LRGUK: variants seen among roughly 807,000 people sequenced by gnomAD.
LRGUK encodes leucine-rich repeat and guanylate kinase domain-containing protein.
A neutral mutation model predicts 76.0 loss-of-function variants in LRGUK; 65 were observed. That is an observed-to-expected ratio of 0.85 (90% CI 0.70 to 1.05). The LOEUF (loss-of-function observed/expected upper bound fraction) is 1.05. Ranked by LOEUF, LRGUK falls within the 50% of genes least tolerant of loss-of-function variation. LRGUK has a pLI of 0.00. For synonymous variants in LRGUK, 268 were observed against 265.6 expected (o/e 1.01, Z -0.09); for missense variants, 758 against 732.8 (o/e 1.03, Z -0.40).
intron 11 of LRGUK, among the ~76,000 whole-genome samples, chr7:134,185,891 G>A (rs17167606): frequency 0.14 from 22,000 of 152,046 alleles, 2,258 homozygotes; most frequent in East Asian, 0.38. Flanking sequence ...ATACATTTTA[G>A]ACACCCGAAG....
intron 1 of LRGUK, among the ~76,000 whole-genome samples, chr7:134,128,785 C>T (rs1797146545): frequency 6.6e-6 from 1 of 152,118 alleles, no homozygotes; most frequent in South Asian, 2.1e-4. Context: ...CTCCTGACCT[C>T]GCCATCCGCC....
intron 18 of LRGUK, among the ~76,000 whole-genome samples, chr7:134,253,112 T>C (rs1300160827): frequency 4.6e-5 from 7 of 152,210 alleles, no homozygotes; most frequent in Non-Finnish European, 8.8e-5. Context: ...TGTACTTCTT[T>C]GCTGGGATAG....
At chr7:134,160,743 GT>G (rs1370392050) in intron 6 of LRGUK, among the ~76,000 whole-genome samples, 1 of 152,062 alleles carries the variant, frequency 6.6e-6, no homozygotes, top group African/African-American at 2.4e-5. Flanking sequence ...AATGCTGCTT[GT>G]TTTTTTCTTC....
Position 134,221,935 on chromosome 7 carries a change from AG to A in LRGUK, c.1983+21del. 6.3e-6 allele frequency: 10 copies of A among 1,578,950 alleles called. No homozygotes were observed. The highest frequency in any genetic ancestry group is 8.6e-6 in the Non-Finnish European group (10 of 1,166,904). On this transcript the variant is annotated intron_variant, in intron 16 of 19. Transcript: ENST00000285928. The stretch of plus-strand genomic sequence containing the variant: ...ACACCAGCGGTAAGAGAGGAATAGA[AG>A]GGGTGAAGCCACAACTGAGCTCTAT...
chr7:134,140,684 G>A (rs73437207), intron 3 of LRGUK, among the ~76,000 whole-genome samples: 123 of 148,320 alleles, frequency 8.3e-4, no homozygotes, highest in African/African-American at 2.8e-3. Context: ...TGATTCTGGG[G>A]TTTTTTTCCC....
exon 16 of LRGUK, chr7:134,209,081 G>A (rs451216): frequency 0.96 from 382,223 of 399,048 alleles, 183,775 homozygotes; most frequent in Non-Finnish European, 0.99. Flanking sequence ...TGTCCCTGAG[G>A]TGGAAGCCAG....
In LRGUK at chr7:134,249,013, G is replaced by A. The variant is rs780744686; in HGVS notation, c.2135G>A (p.Trp712Ter). Reference sequence around the variant, plus strand: ...TATTATACAACTTTAGAAGAACTCTGGAAAAGTTTTGATCTTTGTGAAGAC... The same window carrying A: ...TATTATACAACTTTAGAAGAACTCTAGAAAAGTTTTGATCTTTGTGAAGAC... The change falls in exon 18 of 20, where the codon TGG becomes TAG. Residue 712 changes from tryptophan to a stop codon, truncating the protein, a stop_gained. Transcript: ENST00000285928. LOFTEE classifies it high-confidence loss of function. The A allele has an allele frequency of 1.6e-5, 26 of 1,603,356 alleles. No individual in the cohort carries two copies. The highest frequency in any genetic ancestry group is 3.4e-5 in the Admixed American group (2 of 59,440).
At chr7:134,139,669 C>G in intron 3 of LRGUK, 152 bp downstream of exon 3, 1 of 539,912 alleles carries the variant, frequency 1.9e-6, no homozygotes. Flanking sequence ...AAAAAGGCAC[C>G]GATAACTGCT....
intron 14 of LRGUK, 108 bp downstream of exon 14, chr7:134,199,529 G>A (rs1281864042): frequency 2.1e-6 from 2 of 950,448 alleles, no homozygotes; most frequent in South Asian, 1.6e-5. Flanking sequence ...TCTTGTAACG[G>A]TGAATCACAA....
At chr7:134,269,893 A>C in the LRGUK span, among the ~76,000 whole-genome samples, 7 of 152,206 alleles carry the variant, frequency 4.6e-5, no homozygotes, top group Admixed American at 1.3e-4. Flanking sequence ...AGCACTTGAC[A>C]GAGTCCAATA....
downstream of LRGUK, among the ~76,000 whole-genome samples, chr7:134,213,991 C>T (rs1227723708): frequency 6.6e-6 from 1 of 152,212 alleles, no homozygotes; most frequent in Non-Finnish European, 1.5e-5. Flanking sequence ...CCATCTTTAG[C>T]TCCTTTAAAG....
chr7:134,202,703 G>A (rs1007846793), intron 15 of LRGUK, among the ~76,000 whole-genome samples: 7 of 152,208 alleles, frequency 4.6e-5, no homozygotes, highest in African/African-American at 1.7e-4. Flanking sequence ...CAAAAGGACA[G>A]CTATTGTATG....
At chr7:134,135,931 C>T (rs745378277) in intron 1 of LRGUK, among the ~76,000 whole-genome samples, 3 of 152,226 alleles carry the variant, frequency 2.0e-5, no homozygotes, top group African/African-American at 2.4e-5. Flanking sequence ...GCTGGGATTA[C>T]AGGCGTGAGC....
intron 6 of LRGUK, among the ~76,000 whole-genome samples, chr7:134,158,437 G>A (rs1798576470): frequency 1.3e-5 from 2 of 152,046 alleles, no homozygotes; most frequent in African/African-American, 4.8e-5. Context: ...TTTATACTGG[G>A]AAAGAAAGGT....
chr7:134,205,235 C>T (rs1014131664), intron 15 of LRGUK, among the ~76,000 whole-genome samples: 2 of 152,070 alleles, frequency 1.3e-5, no homozygotes, highest in Non-Finnish European at 2.9e-5. Context: ...TTTTACAGAG[C>T]GCTGATTGGT....
rs78620540 is a variant in LRGUK at position 134,205,465 on chromosome 7, G to C, written c.1844-3242G>C. Among the ~76,000 whole-genome samples the C allele has an allele frequency of 6.3e-4, 96 of 152,218 alleles. 1 individual carries two copies. Among genetic ancestry groups the C allele is most frequent in the African/African-American group, 2.2e-3 (93 of 41,524 alleles). ...CCTCATTGCTCCTGCTCTGAGCTGG[G>C]TCACTCTGATTTTAAGTTCTATAAT... is the stretch of plus-strand genomic sequence containing the variant. On this transcript the variant is annotated intron_variant, in intron 15 of 15. Coordinates refer to ENST00000645682, the Ensembl canonical transcript of LRGUK.
intron 16 of LRGUK, among the ~76,000 whole-genome samples, chr7:134,237,154 A>C (rs1382964056): frequency 6.7e-6 from 1 of 149,548 alleles, no homozygotes; most frequent in African/African-American, 2.5e-5. Context: ...TCCCGGGTTC[A>C]AGTGATTTTC....
At chr7:134,212,895 A>G (rs566034936), downstream of LRGUK, among the ~76,000 whole-genome samples, 4 of 152,362 alleles carry the variant, frequency 2.6e-5, no homozygotes, top group African/African-American at 9.6e-5. Context: ...TCCTACAGAC[A>G]GGAAAATCCA....
Position 134,158,178 on chromosome 7 carries a change from T to C in LRGUK, c.795+19T>C. 6.2e-7 allele frequency: 1 copy of C among 1,604,006 alleles called. No individual in the cohort carries two copies. Among genetic ancestry groups the C allele is most frequent in the Non-Finnish European group, 8.5e-7 (1 of 1,172,392 alleles). ...TTGTCTGGTGAGTCTAACAAAATGC[T>C]GTTCTTTATAGAAGTAGTAGTTAAT... On this transcript the variant is annotated intron_variant, in intron 6 of 15. Transcript: ENST00000645682.
Sources: allele counts gnomAD v4.1 joint callset (sites outside exome capture counted in the v4.1 genomes callset), GRCh38; gene constraint gnomAD v4.1.1; transcripts MANE v1.5; gene names NCBI Gene and HGNC (gene_info 2026-07-23, HGNC 2026-07-21).